LRRC28: variants seen among roughly 807,000 people sequenced by gnomAD.
LRRC28 encodes leucine rich repeat containing 28.
In LRRC28, 39 loss-of-function variants were observed where a neutral mutation model predicts 45.7. The ratio of observed to expected loss-of-function variants is 0.85; its 90% CI spans 0.66 to 1.12. The LOEUF (loss-of-function observed/expected upper bound fraction) is 1.12, where lower values mean the gene tolerates loss of function less well. Ranked by LOEUF, LRRC28 falls within the 50% of genes most tolerant of loss-of-function variation. The pLI, the probability that LRRC28 is intolerant of heterozygous loss-of-function variation, is 0.00. For missense variants in LRRC28, 435 were observed against 438.5 expected, an observed-to-expected ratio of 0.99 and a Z score of 0.07; for synonymous variants, 206 against 178.8, an observed-to-expected ratio of 1.15 and a Z score of -1.22.
At chr15:99,318,980 A>G (rs1274773113) in intron 5 of LRRC28, among the ~76,000 whole-genome samples, 1 of 152,132 alleles carries the variant, frequency 6.6e-6, no homozygotes, top group Non-Finnish European at 1.5e-5. Context: ...ATGCACTAAA[A>G]TGTTTTCCTT....
At chr15:99,282,246 A>G (rs1423089094) in intron 3 of LRRC28, among the ~76,000 whole-genome samples, 1 of 136,584 alleles carries the variant, frequency 7.3e-6, no homozygotes, top group Non-Finnish European at 1.5e-5. Flanking sequence ...CAGTTGCCTC[A>G]GGTTCCCTGA....
At chr15:99,286,191 C>G (rs1350309840) in intron 3 of LRRC28, among the ~76,000 whole-genome samples, 1 of 152,178 alleles carries the variant, frequency 6.6e-6, no homozygotes, top group Non-Finnish European at 1.5e-5. Flanking sequence ...AGTGCAGTGG[C>G]ACAATCGCGG....
At chr15:99,355,004 C>G (rs749920890) in intron 7 of LRRC28, among the ~76,000 whole-genome samples, 5 of 152,140 alleles carry the variant, frequency 3.3e-5, no homozygotes, top group Non-Finnish European at 7.4e-5. Flanking sequence ...GTATTTATCT[C>G]AGATTCACAT....
intron 2 of LRRC28, 138 bp from the exon 3 acceptor site, chr15:99,276,438 C>A: frequency 1.7e-6 from 1 of 575,394 alleles, no homozygotes; most frequent in Non-Finnish European, 3.0e-6. Flanking sequence ...GAATAAAACC[C>A]AGACCTGCTG....
rs1429779609 is a variant in LRRC28 at position 99,349,918 on chromosome 15, T to C, written c.593-2451T>C. 5.3e-5 allele frequency among the ~76,000 whole-genome samples: 8 copies of C among 151,246 alleles called. No homozygotes were observed. In the South Asian group the frequency reaches 1.7e-3, roughly 32 times the overall value. On this transcript the variant is annotated intron_variant, in intron 6 of 9. Coordinates refer to ENST00000301981, the MANE Select transcript of LRRC28 (RefSeq NM_144598.5). ...TTGGGAGGCCGAGGCGGGTGGATCA[T>C]GAGGTCAGGAGATCGAGACCATCCT... is the stretch of plus-strand genomic sequence containing the variant.
chr15:99,258,849 A>T (rs968279559), intron 2 of LRRC28: 2 of 703,264 alleles, frequency 2.8e-6, no homozygotes, highest in African/African-American at 3.5e-5. Flanking sequence ...ATTAAGCTCT[A>T]TGTGCGCTGT....
intron 5 of LRRC28, among the ~76,000 whole-genome samples, chr15:99,331,690 C>G (rs1956163716): frequency 6.6e-6 from 1 of 152,122 alleles, no homozygotes; most frequent in Non-Finnish European, 1.5e-5. Context: ...CAAGCTCTCT[C>G]TCTCTCTCTC....
chr15:99,278,774 G>A (rs1045489315), intron 3 of LRRC28, among the ~76,000 whole-genome samples: 1 of 152,188 alleles, frequency 6.6e-6, no homozygotes. Flanking sequence ...GACTTAGCTG[G>A]GTGCCTTTGC....
At chr15:99,263,657 A>G (rs1382725075) in intron 2 of LRRC28, among the ~76,000 whole-genome samples, 2 of 152,322 alleles carry the variant, frequency 1.3e-5, no homozygotes, top group South Asian at 2.1e-4. Flanking sequence ...ACTGCTTAAC[A>G]TGTGTAGTAC....
intron 2 of LRRC28, chr15:99,260,079 CT>C (rs2081151762): frequency 1.4e-5 from 7 of 509,952 alleles, no homozygotes; most frequent in Middle Eastern, 6.2e-4. Flanking sequence ...TAAGTCATTT[CT>C]TTTGGCAGAG....
chr15:99,363,472 G>T, intron 9 of LRRC28: 4 of 507,416 alleles, frequency 7.9e-6, no homozygotes, highest in Non-Finnish European at 1.4e-5. Context: ...TCATGTGCTG[G>T]ACAGTTTTAT....
chr15:99,359,633 A>G (rs1200584484), intron 7 of LRRC28, among the ~76,000 whole-genome samples: 1 of 152,214 alleles, frequency 6.6e-6, no homozygotes, highest in East Asian at 1.9e-4. Context: ...TGGGAATTTT[A>G]CTATAATAAA....
At chr15:99,368,051 A>G (rs956228844) in intron 9 of LRRC28, among the ~76,000 whole-genome samples, 1 of 152,186 alleles carries the variant, frequency 6.6e-6, no homozygotes, top group Non-Finnish European at 1.5e-5. Flanking sequence ...TTTAGGAGCC[A>G]TATGTCAGGA....
At chr15:99,257,353 C>T (rs556524204) in intron 2 of LRRC28, among the ~76,000 whole-genome samples, 4 of 152,198 alleles carry the variant, frequency 2.6e-5, no homozygotes, top group South Asian at 2.1e-4. Flanking sequence ...AACCCTTTAA[C>T]GAGAAGTGGT....
At chr15:99,344,434 G>A (rs1372197430) in intron 6 of LRRC28, among the ~76,000 whole-genome samples, 3 of 152,152 alleles carry the variant, frequency 2.0e-5, no homozygotes. Context: ...TTAAGTGTCT[G>A]TATTACATAC....
intron 3 of LRRC28, among the ~76,000 whole-genome samples, chr15:99,286,352 G>A (rs762633560): frequency 1.3e-5 from 2 of 152,164 alleles, no homozygotes; most frequent in East Asian, 3.9e-4. Flanking sequence ...GGCTGGTCGC[G>A]AACTCCTGAG....
At chr15:99,365,410 A>G (rs935234447) in intron 9 of LRRC28, among the ~76,000 whole-genome samples, 3 of 152,240 alleles carry the variant, frequency 2.0e-5, no homozygotes, top group African/African-American at 7.2e-5. Flanking sequence ...TGGGAAGTTA[A>G]TGGTAGGGTC....
chr15:99,271,071 GA>G (rs1451328640), intron 2 of LRRC28, among the ~76,000 whole-genome samples: 1 of 152,170 alleles, frequency 6.6e-6, no homozygotes, highest in Non-Finnish European at 1.5e-5. Context: ...CTTCTTGGGA[GA>G]AATGTCTGTT....
intron 5 of LRRC28, among the ~76,000 whole-genome samples, chr15:99,293,629 A>AAAAAAAAAC (rs2082190789): frequency 7.1e-6 from 1 of 140,642 alleles, no homozygotes; most frequent in Non-Finnish European, 1.5e-5. Flanking sequence ...AAAAAAAAAA[A>AAAAAAAAAC]AAAACCTAAA....
Sources: gnomAD v4.1 joint callset for allele counts (sites outside exome capture counted in the v4.1 genomes callset) on GRCh38, gnomAD v4.1.1 for gene constraint, MANE v1.5 for transcripts, NCBI Gene and HGNC (gene_info 2026-07-23, HGNC 2026-07-21) for gene names.